The following KAZN variants were observed in gnomAD, a reference collection of about 807,000 sequenced individuals.
KAZN encodes the protein kazrin, periplakin interacting protein.
KAZN carries 40 observed loss-of-function variants against 87.4 expected under a neutral mutation model. The observed-to-expected ratio is 0.46, with a 90% CI of 0.36 to 0.60. The LOEUF is 0.60. Among genes scored for constraint, KAZN ranks in the 20% least tolerant of loss-of-function variants. The probability of loss-of-function intolerance (pLI) is 0.00; values close to 1 mark genes in which losing one functional copy is unlikely to be tolerated. For missense variants in KAZN, 898 were observed against 1,073.9 expected (o/e 0.84, Z 2.29); for synonymous variants, 466 against 458.3 (o/e 1.02, Z -0.22).
chr1:14,106,506 G>A (rs778794113), intron 1 of KAZN, among the ~76,000 whole-genome samples: 54 of 152,134 alleles, frequency 3.5e-4, no homozygotes, highest in Non-Finnish European at 2.9e-5. Context: ...ATCCTTTAGT[G>A]GTCAAAGCCT....
At chr1:13,923,589 A>T (rs1047447792) in intron 1 of KAZN, among the ~76,000 whole-genome samples, 4 of 79,730 alleles carry the variant, frequency 5.0e-5, no homozygotes, top group African/African-American at 2.5e-4. Context: ...AAAAAAAAAA[A>T]AAATATAATT....
chr1:14,979,005 A>G (rs952997274), intron 2 of KAZN, among the ~76,000 whole-genome samples: 10 of 151,898 alleles, frequency 6.6e-5, no homozygotes, highest in African/African-American at 2.4e-4. Flanking sequence ...CCCGGGTTCA[A>G]GAGATTCTCC....
intron 1 of KAZN, among the ~76,000 whole-genome samples, chr1:13,932,750 G>C (rs1445089811): frequency 1.3e-5 from 2 of 152,166 alleles, no homozygotes; most frequent in Non-Finnish European, 2.9e-5. Context: ...TCAATCACTA[G>C]CAATATGGGT....
chr1:13,908,830 A>T (rs898519008), intron 1 of KAZN, among the ~76,000 whole-genome samples: 1 of 152,108 alleles, frequency 6.6e-6, no homozygotes, highest in African/African-American at 2.4e-5. Flanking sequence ...CGGTGACAAG[A>T]CCTGTGTTCA....
At chr1:14,758,996 C>G (rs1375797005) in intron 1 of KAZN, among the ~76,000 whole-genome samples, 1 of 152,116 alleles carries the variant, frequency 6.6e-6, no homozygotes, top group Non-Finnish European at 1.5e-5. Context: ...CTTTATTCCA[C>G]CAGTTCACCT....
chr1:14,395,240 A>G (rs570248349), intron 2 of KAZN, among the ~76,000 whole-genome samples: 2 of 152,348 alleles, frequency 1.3e-5, no homozygotes, highest in Admixed American at 1.3e-4. Context: ...CTGTTTCTAC[A>G]TATCACCTCG....
intron 2 of KAZN, among the ~76,000 whole-genome samples, chr1:14,370,841 C>T (rs553664674): frequency 2.3e-4 from 35 of 152,260 alleles, no homozygotes; most frequent in African/African-American, 2.6e-4. Context: ...TGTGCTACCA[C>T]GCCTGGCTAA....
At chr1:13,938,851 G>A (rs1290777148) in intron 1 of KAZN, among the ~76,000 whole-genome samples, 2 of 152,236 alleles carry the variant, frequency 1.3e-5, no homozygotes, top group Non-Finnish European at 2.9e-5. Flanking sequence ...CAAGGCCTAT[G>A]GTTTGCACCC....
intron 1 of KAZN, among the ~76,000 whole-genome samples, chr1:14,065,910 G>A (rs868798807): frequency 6.6e-6 from 1 of 152,114 alleles, no homozygotes; most frequent in African/African-American, 2.4e-5. Flanking sequence ...CCATTTTAGT[G>A]CATCTGTCAC....
At chr1:14,316,153 T>C (rs1490467044) in intron 2 of KAZN, among the ~76,000 whole-genome samples, 1 of 152,088 alleles carries the variant, frequency 6.6e-6, no homozygotes, top group Non-Finnish European at 1.5e-5. Context: ...CTTAATGATA[T>C]TGTACATCTT....
In KAZN at chr1:14,364,327, T is replaced by C. The variant is rs148725988; in HGVS notation, c.249+183735T>C. ...ATTTACTAATCTATGCCTCAGTTTC[T>C]TCCACTGCAAAATGGGGGTAATTAT... On this transcript the variant is annotated intron_variant, in intron 2 of 16. Coordinates refer to the KAZN transcript ENST00000636203. 5.7e-3 allele frequency among the ~76,000 whole-genome samples: 866 copies of C among 152,306 alleles called. 8 individuals carry two copies. Among genetic ancestry groups the C allele is most frequent in the African/African-American group, 0.02 (828 of 41,562 alleles).
At chr1:15,020,413 T>C (rs12025960) in intron 2 of KAZN, among the ~76,000 whole-genome samples, 24,225 of 152,170 alleles carry the variant, frequency 0.16, 2,538 homozygotes, top group East Asian at 0.52. Context: ...CCAGAAGCCC[T>C]CCTGTGCACC....
At chr1:14,252,976 G>T (rs1650182096) in intron 2 of KAZN, among the ~76,000 whole-genome samples, 2 of 152,110 alleles carry the variant, frequency 1.3e-5, no homozygotes, top group African/African-American at 4.8e-5. Flanking sequence ...AGAAAATTCT[G>T]CAAGAGGTTT....
intron 1 of KAZN, among the ~76,000 whole-genome samples, chr1:14,160,249 G>T (rs1645681532): frequency 6.6e-6 from 1 of 152,178 alleles, no homozygotes; most frequent in Non-Finnish European, 1.5e-5. Context: ...TCAGACCACT[G>T]ACATAGGCAA....
At chr1:13,979,149 A>G (rs1225175901) in intron 1 of KAZN, among the ~76,000 whole-genome samples, 1 of 152,098 alleles carries the variant, frequency 6.6e-6, no homozygotes, top group Non-Finnish European at 1.5e-5. Context: ...AAAAATTTTT[A>G]TGCTCATTGA....
At chr1:14,484,503 ACTT>A (rs1193350238) in intron 2 of KAZN, among the ~76,000 whole-genome samples, 4 of 152,238 alleles carry the variant, frequency 2.6e-5, no homozygotes, top group Non-Finnish European at 5.9e-5. Context: ...CTGTGCTCAT[ACTT>A]CTTCCTTGAA....
At chr1:15,052,721 G>T (rs962004747) in intron 4 of KAZN, among the ~76,000 whole-genome samples, 3 of 152,118 alleles carry the variant, frequency 2.0e-5, no homozygotes, top group Non-Finnish European at 4.4e-5. Flanking sequence ...GCTCTGCCTT[G>T]GAAGCTTACA....
At chr1:14,830,617 C>T (rs529156817) in intron 1 of KAZN, among the ~76,000 whole-genome samples, 3 of 152,168 alleles carry the variant, frequency 2.0e-5, no homozygotes, top group Admixed American at 6.5e-5. Context: ...ATGAGGAAGG[C>T]GAATGGGAAG....
chr1:14,746,860 A>G lies in KAZN; in HGVS notation c.226+147637A>G, dbSNP rs1462765432. On this transcript the variant is annotated intron_variant, in intron 1 of 14. Coordinates refer to ENST00000376030, the MANE Select transcript of KAZN (RefSeq NM_201628.3). ...ATGTTGGTGGCAAAATACATATAAC[A>G]TACAATTTACCCTTTTAATCATTTT... Among the ~76,000 whole-genome samples, 4 of 152,238 alleles carry G rather than the reference A, an allele frequency of 2.6e-5. No homozygotes were observed. The East Asian group carries it at 7.7e-4, about 29-fold the overall frequency.
Sources: allele counts gnomAD v4.1 joint callset (sites outside exome capture counted in the v4.1 genomes callset), GRCh38; gene constraint gnomAD v4.1.1; transcripts MANE v1.5; gene names NCBI Gene and HGNC (gene_info 2026-07-23, HGNC 2026-07-21).